NEDD4: variants seen among roughly 807,000 people sequenced by gnomAD.
The protein encoded by NEDD4 is E3 ubiquitin-protein ligase NEDD4.
NEDD4 carries 99 observed loss-of-function variants against 144.9 expected under a neutral mutation model. The observed-to-expected ratio is 0.68, with a 90% confidence interval of 0.58 to 0.81. The LOEUF (loss-of-function observed/expected upper bound fraction) is 0.81, where lower values mean the gene tolerates loss of function less well. NEDD4 is among the 30% of genes least tolerant of loss of function. The probability of loss-of-function intolerance (pLI) is 0.00; values close to 1 mark genes in which losing one functional copy is unlikely to be tolerated. For missense variants in NEDD4, 985 were observed against 1,065.9 expected, an observed-to-expected ratio of 0.92 and a Z score of 1.06; for synonymous variants, 318 against 350.6, an observed-to-expected ratio of 0.91 and a Z score of 1.04.
intron 5 of NEDD4, among the ~76,000 whole-genome samples, chr15:55,898,281 C>T (rs1430427765): frequency 3.3e-5 from 5 of 152,172 alleles, no homozygotes; most frequent in Admixed American, 6.5e-5. Flanking sequence ...CTCCAGATTC[C>T]GGTTTTAATC....
chr15:55,848,962 C>T, intron 14 of NEDD4, 76 bp from the exon 15 acceptor site: 1 of 1,106,024 alleles, frequency 9.0e-7, no homozygotes, highest in Non-Finnish European at 1.4e-6. Context: ...ACCATGTTTT[C>T]TAACATCAAT....
chr15:55,915,762 G>C lies in NEDD4; in HGVS notation c.291+8884C>G, dbSNP rs780759541. 1.2e-5 allele frequency: 19 copies of C among 1,613,428 alleles called. No individual in the cohort carries two copies. In the African/African-American group the frequency reaches 2.4e-4, roughly 20 times the overall value. Reference sequence around the variant, plus strand: ...GACAGTCTGTCTGGGAGTATTATTCGAAAGAACAATTTTCTTCTGTAACGA... The same window carrying C: ...GACAGTCTGTCTGGGAGTATTATTCCAAAGAACAATTTTCTTCTGTAACGA... On this transcript the variant is annotated intron_variant, in intron 5 of 28. Coordinates refer to ENST00000435532, the MANE Select transcript of NEDD4 (RefSeq NM_006154.4).
chr15:55,860,620 T>G (rs372490650), intron 10 of NEDD4, 41 bp downstream of exon 10: 1 of 1,612,828 alleles, frequency 6.2e-7, no homozygotes, highest in South Asian at 1.1e-5. Context: ...TTTATTGCTA[T>G]AGCATGTGTC....
intron 5 of NEDD4, among the ~76,000 whole-genome samples, chr15:55,883,736 A>AAGAGAG (rs373217200): frequency 6.6e-6 from 1 of 150,536 alleles, no homozygotes; most frequent in Non-Finnish European, 1.5e-5. Flanking sequence ...CAGAAAGAGA[A>AAGAGAG]AGAGAGAGAG....
chr15:55,858,272 C>T lies in NEDD4; in HGVS notation c.961-2076G>A, dbSNP rs549108019. On this transcript the variant is annotated intron_variant, in intron 11 of 28. Coordinates refer to ENST00000435532, the MANE Select transcript of NEDD4 (RefSeq NM_006154.4). ...ATACCAGGAAGAAGGGGAATGGGAT[C>T]GTATGTGATTTATCATCAGCAAATC... Among the ~76,000 whole-genome samples, 169 of 151,516 alleles carry T rather than the reference C, an allele frequency of 1.1e-3. 4 individuals are homozygous for T. The South Asian group carries it at 0.03, about 27-fold the overall frequency.
intron 1 of NEDD4, among the ~76,000 whole-genome samples, chr15:55,986,405 G>C (rs2037891313): frequency 6.6e-6 from 1 of 152,142 alleles, no homozygotes; most frequent in Non-Finnish European, 1.5e-5. Flanking sequence ...GTCACTGACA[G>C]TGTTGGGACA....
Position 55,909,658 on chromosome 15 carries a change from C to A in NEDD4, c.291+14988G>T, listed in dbSNP as rs561483389. Among the ~76,000 whole-genome samples the A allele has an allele frequency of 2.0e-5, 3 of 152,290 alleles. No homozygotes were observed. In the East Asian group the frequency reaches 5.8e-4, roughly 29 times the overall value. ...CCTTCAGCCTACAAAGCCTCTTGTC[C>A]TGGCTTCTCCTGGTCTGTCTTGTTT... On this transcript the variant is annotated intron_variant, in intron 5 of 28. Coordinates refer to ENST00000435532, the MANE Select transcript of NEDD4 (RefSeq NM_006154.4).
intron 4 of NEDD4, among the ~76,000 whole-genome samples, chr15:55,946,227 A>C (rs1338364700): frequency 6.6e-6 from 1 of 152,236 alleles, no homozygotes; most frequent in African/African-American, 2.4e-5. Context: ...ATAAAGAGTC[A>C]AGACCCATCA....
chr15:55,952,600 C>T (rs879868192), intron 2 of NEDD4: 13 of 152,188 alleles, frequency 8.5e-5, no homozygotes, highest in South Asian at 2.1e-4. Context: ...TGGCCAAACT[C>T]GAAGGCACCA....
chr15:55,846,753 T>C (rs1285656229), intron 18 of NEDD4, among the ~76,000 whole-genome samples: 3 of 152,200 alleles, frequency 2.0e-5, no homozygotes, highest in Non-Finnish European at 4.4e-5. Flanking sequence ...CATTTTTCTA[T>C]ATTATAAAAT....
intron 24 of NEDD4, among the ~76,000 whole-genome samples, chr15:55,836,211 C>G (rs2033185571): frequency 6.6e-6 from 1 of 152,154 alleles, no homozygotes; most frequent in South Asian, 2.1e-4. Context: ...GCACTTTATG[C>G]TTGCCTCTGT....
Position 55,840,684 on chromosome 15 carries a change from T to C in NEDD4, c.1882A>G (p.Asn628Asp). The change falls in exon 20 of 29, where the codon AAC (asparagine) becomes GAC (aspartate). Residue 628 changes from asparagine (N) to aspartate (D), a missense_variant. Asn to Asp is a conservative substitution (Grantham distance 23, BLOSUM62 1). Transcript: ENST00000435532. ...TTGAAGTAAGAGAGGTGATCTTCGT[T>C]ACACAATCCAGAGTTTGGATTTATC... Reference protein sequence around the residue: ...LQINPNSGLCNEDHLSYFKFI... With the variant: ...LQINPNSGLCDEDHLSYFKFI... 6.2e-7 allele frequency: 1 copy of C among 1,614,084 alleles called. No individual in the cohort carries two copies. Among genetic ancestry groups the C allele is most frequent in the Non-Finnish European group, 8.5e-7 (1 of 1,179,996 alleles).
intron 1 of NEDD4, among the ~76,000 whole-genome samples, chr15:55,976,148 C>A (rs924156802): frequency 6.6e-6 from 1 of 152,146 alleles, no homozygotes; most frequent in Non-Finnish European, 1.5e-5. Flanking sequence ...TGAGGAAACT[C>A]TCCAGAACAC....
chr15:55,855,737 G>A (rs142040608), intron 12 of NEDD4, among the ~76,000 whole-genome samples: 1 of 152,220 alleles, frequency 6.6e-6, no homozygotes, highest in Non-Finnish European at 1.5e-5. Flanking sequence ...GCCAGTGCAC[G>A]CCTGAGTGAT....
intron 1 of NEDD4, among the ~76,000 whole-genome samples, chr15:55,991,030 G>A (rs2037982010): frequency 6.6e-6 from 1 of 152,204 alleles, no homozygotes; most frequent in Admixed American, 6.5e-5. Flanking sequence ...ATACTTCAGT[G>A]CTAATATGCT....
At chr15:55,985,080 T>G (rs1279414604) in intron 1 of NEDD4, among the ~76,000 whole-genome samples, 2 of 152,216 alleles carry the variant, frequency 1.3e-5, no homozygotes, top group Non-Finnish European at 2.9e-5. Flanking sequence ...ACCAAGTAAG[T>G]GACAGGGCCA....
At chr15:55,947,876 C>G (rs2037151747) in intron 4 of NEDD4, among the ~76,000 whole-genome samples, 1 of 152,172 alleles carries the variant, frequency 6.6e-6, no homozygotes, top group South Asian at 2.1e-4. Flanking sequence ...GAAGCATTCC[C>G]TTTGAAAACT....
intron 5 of NEDD4, chr15:55,917,079 C>CA (rs1218486121): frequency 8.1e-7 from 1 of 1,233,054 alleles, no homozygotes; most frequent in Non-Finnish European, 1.0e-6. Flanking sequence ...AAAATGCCTT[C>CA]ACTTACAAAG....
At chr15:55,983,700 C>A (rs2037844376) in intron 1 of NEDD4, among the ~76,000 whole-genome samples, 1 of 151,658 alleles carries the variant, frequency 6.6e-6, no homozygotes, top group Admixed American at 6.6e-5. Context: ...CAACCCCCAC[C>A]TCCCGATTCA....
Sources: allele counts gnomAD v4.1 joint callset (sites outside exome capture counted in the v4.1 genomes callset), GRCh38; gene constraint gnomAD v4.1.1; transcripts MANE v1.5; gene names NCBI Gene and HGNC (gene_info 2026-07-23, HGNC 2026-07-21).